The following ACKR2 variants were observed in gnomAD, a reference collection of about 807,000 sequenced individuals.
ACKR2 encodes the protein C-C chemokine receptor D6.
For synonymous variants in ACKR2, 207 were observed against 192.2 expected, an observed-to-expected ratio of 1.08 and a Z score of -0.64; for missense variants, 457 against 477.3, an observed-to-expected ratio of 0.96 and a Z score of 0.40.
intron 2 of ACKR2, among the ~76,000 whole-genome samples, chr3:42,824,623 T>C (rs1332597106): frequency 6.6e-6 from 1 of 152,198 alleles, no homozygotes; most frequent in Non-Finnish European, 1.5e-5. Context: ...TTCTTTTACA[T>C]TGTATAATGT....
intron 2 of ACKR2, chr3:42,851,584 G>C (rs1021383870): frequency 4.2e-6 from 1 of 240,254 alleles, no homozygotes; most frequent in East Asian, 1.8e-4. Context: ...AGTCAGTGCA[G>C]AGCTTTCTCT....
intron 2 of ACKR2, among the ~76,000 whole-genome samples, chr3:42,841,176 A>G (rs2114883): frequency 0.38 from 58,293 of 152,164 alleles, 11,923 homozygotes; most frequent in East Asian, 0.69. Context: ...TAAAAAAATT[A>G]TAGTATAGCG....
intron 1 of ACKR2, among the ~76,000 whole-genome samples, chr3:42,810,416 C>A (rs978075303): frequency 4.6e-5 from 7 of 151,072 alleles, no homozygotes; most frequent in African/African-American, 1.7e-4. Context: ...TACCCCCCCC[C>A]AATTTTTCTC....
At position 42,810,472 on chromosome 3, in the gene ACKR2, C is replaced by T. The variant is rs138221943; in HGVS notation, c.-119+940C>T. On this transcript the variant is annotated intron_variant, in intron 1 of 2. Transcript: ENST00000422265. Reference sequence around the variant, plus strand: ...TTTGCCTTTGTTAAATGCCCAGGCACGCCACAATACCACGTTTTATCAATA... The same window carrying T: ...TTTGCCTTTGTTAAATGCCCAGGCATGCCACAATACCACGTTTTATCAATA... Among the ~76,000 whole-genome samples, 85 of 151,726 alleles carry T rather than the reference C, an allele frequency of 5.6e-4. No homozygotes were observed. The East Asian group carries it at 0.013, about 23-fold the overall frequency.
At chr3:42,825,573 T>C (rs1700853736) in intron 2 of ACKR2, among the ~76,000 whole-genome samples, 1 of 130,652 alleles carries the variant, frequency 7.7e-6, no homozygotes, top group Non-Finnish European at 1.6e-5. Flanking sequence ...ACTTGTTAGC[T>C]CTGATGTGTG....
chr3:42,841,837 C>CG (rs1701042046), intron 2 of ACKR2: 1 of 152,162 alleles, frequency 6.6e-6, no homozygotes, highest in South Asian at 2.1e-4. Flanking sequence ...GTGTCCTCTA[C>CG]GGGATGATAC....
Position 42,837,579 on chromosome 3 carries a change from G to C in ACKR2, c.-38+17868G>C, listed in dbSNP as rs372890857. 2.0e-5 allele frequency among the ~76,000 whole-genome samples: 3 copies of C among 152,092 alleles called. No individual in the cohort carries two copies. In the East Asian group the frequency reaches 5.8e-4, roughly 29 times the overall value. On this transcript the variant is annotated intron_variant, in intron 2 of 2. Coordinates refer to ENST00000422265, the MANE Select transcript of ACKR2 (RefSeq NM_001296.5). The stretch of plus-strand genomic sequence containing the variant: ...TGTATTCCAGCTCCAGCAGATAGAT[G>C]GATGCAGATCACCTTTTCTCTGTTT...
intron 1 of ACKR2, among the ~76,000 whole-genome samples, chr3:42,810,881 G>A (rs1004408010): frequency 6.6e-6 from 1 of 152,196 alleles, no homozygotes; most frequent in African/African-American, 2.4e-5. Context: ...CCTTTTTTGA[G>A]ATAGAGTCTC....
In ACKR2 at chr3:42,865,494, T is replaced by G. The variant is rs769325899; in HGVS notation, c.992T>G (p.Leu331Arg). ...QYLKAFLAAV[L>R]GWHLAPGTAQ... ...CTGAAGGCTTTCCTGGCTGCCGTGC[T>G]TGGATGGCACCTGGCACCTGGCACT... The change falls in exon 3 of 3, where the codon CTT becomes CGT. Residue 331 changes from leucine to arginine, a missense_variant. Coordinates refer to ENST00000422265, the MANE Select transcript of ACKR2 (RefSeq NM_001296.5). 1.2e-6 allele frequency: 2 copies of G among 1,614,188 alleles called. No individual in the cohort carries two copies. Among genetic ancestry groups the G allele is most frequent in the South Asian group, 2.2e-5 (2 of 91,078 alleles).
chr3:42,856,431 G>A, intron 2 of ACKR2: 2 of 702,076 alleles, frequency 2.8e-6, no homozygotes, highest in South Asian at 1.5e-5. Flanking sequence ...GATACTTTGG[G>A]TCAACTGAGG....
intron 2 of ACKR2, among the ~76,000 whole-genome samples, chr3:42,821,749 TGCA>T: frequency 6.6e-6 from 1 of 152,092 alleles, no homozygotes; most frequent in South Asian, 2.1e-4. Flanking sequence ...CAGGCTGGAG[TGCA>T]GTGGCGCTAT....
At position 42,817,585 on chromosome 3, in the gene ACKR2, C is replaced by T. The variant is rs78072767; in HGVS notation, c.-118-2046C>T. On this transcript the variant is annotated intron_variant, in intron 1 of 2. Coordinates refer to ENST00000422265, the MANE Select transcript of ACKR2 (RefSeq NM_001296.5). ...TTCAGCCTCTCCTCGCCCCTGCATC[C>T]AGGCTTCTCATACTCTTCCATTTAA... Among the ~76,000 whole-genome samples the T allele has an allele frequency of 2.8e-4, 42 of 152,250 alleles. No homozygotes were observed. The East Asian group carries it at 7.2e-3, about 26-fold the overall frequency.
In ACKR2 at chr3:42,864,400, C is replaced by A. The variant is rs1448601555; in HGVS notation, c.-37-66C>A. 4.2e-6 allele frequency: 6 copies of A among 1,418,690 alleles called. No individual in the cohort carries two copies. In the African/African-American group the frequency reaches 8.6e-5, roughly 20 times the overall value. 87.9% of individuals were successfully genotyped at this position (1,418,690 alleles called of 1,614,324 possible). ...GAAGAGTCTATTGGACATCCCAGGG[C>A]AGCAGCAAAAGTGGGTTTAGAGAAA... On this transcript the variant is annotated intron_variant, in intron 2 of 2. Coordinates refer to ENST00000422265, the MANE Select transcript of ACKR2 (RefSeq NM_001296.5).
chr3:42,856,830 G>GC (rs1399156578), intron 2 of ACKR2, among the ~76,000 whole-genome samples: 1 of 150,174 alleles, frequency 6.7e-6, no homozygotes, highest in Non-Finnish European at 1.5e-5. Context: ...TCCTCCTCAA[G>GC]CCCCCTTCCC....
chr3:42,865,250 A>G lies in ACKR2; in HGVS notation c.748A>G (p.Lys250Glu). 1.9e-6 allele frequency: 3 copies of G among 1,614,188 alleles called. No individual in the cohort carries two copies. Among genetic ancestry groups the G allele is most frequent in the Non-Finnish European group, 2.5e-6 (3 of 1,180,048 alleles). Residue 250 changes from lysine to glutamate, a missense_variant, in exon 3 of 3, where the codon AAA (lysine) becomes GAA (glutamate). By Grantham distance (56) the Lys-to-Glu change is moderately conservative. Transcript: ENST00000422265. ...GCCCGCAGGCCAGGGCCGGGCTTTA[A>G]AAATAGCTGCAGCCTTGGTGGTGGC... ...LRPAGQGRALKIAAALVVAFF... is the reference protein window; with the variant it reads ...LRPAGQGRALEIAAALVVAFF...
Position 42,864,788 on chromosome 3 carries a change from C to G in ACKR2, c.286C>G (p.Leu96Val), listed in dbSNP as rs1276994366. ...TCTGGCCATCTCCAACCTTCTGTTT[C>G]TGGTGACACTGCCCTTCTGGGGCAT... Reference protein sequence around the residue: ...LNLAISNLLFLVTLPFWGISV... With the variant: ...LNLAISNLLFVVTLPFWGISV... Residue 96 changes from leucine to valine, a missense_variant, in exon 3 of 3, where the codon CTG becomes GTG. Leu to Val is a conservative substitution (Grantham distance 32). Coordinates refer to ENST00000422265, the MANE Select transcript of ACKR2 (RefSeq NM_001296.5). 10 of 1,614,230 alleles carry G rather than the reference C, an allele frequency of 6.2e-6. No individual in the cohort carries two copies. Among genetic ancestry groups the G allele is most frequent in the Non-Finnish European group, 8.5e-6 (10 of 1,180,046 alleles).
chr3:42,821,614 C>T (rs1464694596), intron 2 of ACKR2, among the ~76,000 whole-genome samples: 1 of 152,132 alleles, frequency 6.6e-6, no homozygotes, highest in Admixed American at 6.5e-5. Flanking sequence ...AGCTCATGCC[C>T]TTTCTGGAAC....
rs760893326 is a variant in ACKR2, at chr3:42,864,957, A to G, written c.455A>G (p.Tyr152Cys). 8.7e-6 allele frequency: 14 copies of G among 1,614,122 alleles called. No homozygotes were observed. The East Asian group carries it at 3.1e-4, about 36-fold the overall frequency. The change falls in exon 3 of 3, where the codon TAC (tyrosine) becomes TGC (cysteine). Residue 152 changes from tyrosine to cysteine, a missense_variant. Tyr to Cys is a radical substitution (Grantham distance 194). Coordinates refer to ENST00000422265, the MANE Select transcript of ACKR2 (RefSeq NM_001296.5). ...KYLEIVHAQPYHRLRTRAKSL... is the reference protein window; with the variant it reads ...KYLEIVHAQPCHRLRTRAKSL... ...CTGGAGATCGTTCATGCTCAGCCCT[A>G]CCACAGGCTGAGGACCCGGGCCAAG...
Position 42,837,511 on chromosome 3 carries a change from T to A in ACKR2, c.-38+17800T>A, listed in dbSNP as rs181762779. Among the ~76,000 whole-genome samples the A allele has an allele frequency of 1.3e-3, 192 of 152,306 alleles. 1 individual carries two copies. The highest frequency in any genetic ancestry group is 4.4e-3 in the African/African-American group (181 of 41,580). ...TGTTGGGATTAGAGGCATGAGCCAC[T>A]GCGACCAGCTGGGAGCCTGCAGTTC... On this transcript the variant is annotated intron_variant, in intron 2 of 2. Transcript: ENST00000422265.
Sources: allele counts gnomAD v4.1 joint callset (sites outside exome capture counted in the v4.1 genomes callset), GRCh38; gene constraint gnomAD v4.1.1; transcripts MANE v1.5; gene names NCBI Gene and HGNC (gene_info 2026-07-23, HGNC 2026-07-21).